Variants in RPS6KC1 observed in about 807,000 individuals in gnomAD.
RPS6KC1 encodes the protein inactive ribosomal protein S6 kinase delta-1.
In RPS6KC1, 54 loss-of-function variants were observed where a neutral mutation model predicts 103.8. The ratio of observed to expected loss-of-function variants is 0.52; its 90% confidence interval spans 0.42 to 0.65. The LOEUF is 0.65. RPS6KC1 is among the 30% of genes least tolerant of loss of function. RPS6KC1 has a pLI of 0.00. For missense variants in RPS6KC1, 1,151 were observed against 1,253.8 expected (o/e 0.92, Z 1.24); for synonymous variants, 439 against 438.7 (o/e 1.00, Z -0.01).
the RPS6KC1 span, among the ~76,000 whole-genome samples, chr1:213,528,235 TG>T: frequency 6.6e-6 from 1 of 152,114 alleles, no homozygotes; most frequent in Non-Finnish European, 1.5e-5. Flanking sequence ...TTTACAATCA[TG>T]GCAGAAAAAA....
At chr1:213,789,178 G>A in the RPS6KC1 span, among the ~76,000 whole-genome samples, 1 of 152,280 alleles carries the variant, frequency 6.6e-6, no homozygotes, top group South Asian at 2.1e-4. Flanking sequence ...AGTAGAGATT[G>A]TGTAGTTTTT....
At chr1:213,475,015 A>G in the RPS6KC1 span, among the ~76,000 whole-genome samples, 1 of 152,186 alleles carries the variant, frequency 6.6e-6, no homozygotes, top group Non-Finnish European at 1.5e-5. Flanking sequence ...GTCTTCCATA[A>G]GTGGGGCCTC....
At position 213,197,275 on chromosome 1, in the gene RPS6KC1, T is replaced by A. The variant is rs544515263; in HGVS notation, c.1044+20783T>A. ...TGTTTTGGCTATGTGAGCTCTTTTT[T>A]GGTTCCATATGAATTTTAGGACTCT... On this transcript the variant is annotated intron_variant, in intron 8 of 14. Coordinates refer to ENST00000366960, the MANE Select transcript of RPS6KC1 (RefSeq NM_012424.6). Among the ~76,000 whole-genome samples the A allele has an allele frequency of 8.5e-5, 13 of 152,224 alleles. 1 individual carries two copies. Among genetic ancestry groups the A allele is most frequent in the Non-Finnish European group, 1.5e-4 (10 of 68,042 alleles).
chr1:213,379,063 A>G, the RPS6KC1 span, among the ~76,000 whole-genome samples: 7 of 152,050 alleles, frequency 4.6e-5, no homozygotes, highest in Admixed American at 4.6e-4. Context: ...AGATGGTCCT[A>G]TTGTTGTCTA....
the RPS6KC1 span, among the ~76,000 whole-genome samples, chr1:213,779,753 T>C: frequency 6.6e-6 from 1 of 152,194 alleles, no homozygotes; most frequent in African/African-American, 2.4e-5. Flanking sequence ...CCAGAAAGTT[T>C]AGTCAAAAGG....
chr1:213,402,571 G>T, the RPS6KC1 span, among the ~76,000 whole-genome samples: 1 of 152,172 alleles, frequency 6.6e-6, no homozygotes, highest in South Asian at 2.1e-4. Context: ...GGAGGTTCCA[G>T]GTAGAACAGG....
intron 6 of RPS6KC1, among the ~76,000 whole-genome samples, chr1:213,162,965 A>T (rs1463609085): frequency 6.6e-6 from 1 of 152,250 alleles, no homozygotes; most frequent in Non-Finnish European, 1.5e-5. Context: ...TTATACATGG[A>T]AAGACTGATG....
intron 8 of RPS6KC1, among the ~76,000 whole-genome samples, chr1:213,178,015 C>T (rs1047322532): frequency 6.6e-6 from 1 of 150,574 alleles, no homozygotes; most frequent in African/African-American, 2.5e-5. Flanking sequence ...ACTATCTGGG[C>T]AACATGGTGA....
At chr1:213,218,187 A>G (rs1254706451) in intron 8 of RPS6KC1, among the ~76,000 whole-genome samples, 1 of 152,206 alleles carries the variant, frequency 6.6e-6, no homozygotes, top group African/African-American at 2.4e-5. Context: ...CTCAGGATAC[A>G]AAATCAATGT....
At chr1:213,685,705 A>G in the RPS6KC1 span, among the ~76,000 whole-genome samples, 1 of 152,170 alleles carries the variant, frequency 6.6e-6, no homozygotes, top group African/African-American at 2.4e-5. Flanking sequence ...CAAATAAGGT[A>G]GCATATATGA....
the RPS6KC1 span, among the ~76,000 whole-genome samples, chr1:213,437,003 C>T: frequency 1.4e-4 from 22 of 151,896 alleles, no homozygotes; most frequent in Non-Finnish European, 2.4e-4. Context: ...TTTTTATTGC[C>T]GTATTACATT....
the RPS6KC1 span, among the ~76,000 whole-genome samples, chr1:213,597,307 T>C: frequency 6.6e-6 from 1 of 152,150 alleles, no homozygotes; most frequent in Non-Finnish European, 1.5e-5. Context: ...TGCACAACCA[T>C]GGAGAAATGC....
intron 3 of RPS6KC1, among the ~76,000 whole-genome samples, chr1:213,084,046 C>T (rs1225030322): frequency 6.6e-6 from 1 of 152,058 alleles, no homozygotes; most frequent in Non-Finnish European, 1.5e-5. Flanking sequence ...AAGAACACCT[C>T]TATACTTTCC....
the RPS6KC1 span, among the ~76,000 whole-genome samples, chr1:213,811,025 C>G: frequency 6.6e-6 from 1 of 152,118 alleles, no homozygotes; most frequent in African/African-American, 2.4e-5. Context: ...AAACTTAAAA[C>G]AAAACAAAAT....
the RPS6KC1 span, among the ~76,000 whole-genome samples, chr1:213,457,381 C>A: frequency 6.6e-6 from 1 of 152,238 alleles, no homozygotes; most frequent in East Asian, 1.9e-4. Context: ...TGTTTGACTT[C>A]CAGGGAAGGC....
At chr1:213,151,994 A>C (rs1327792286) in intron 6 of RPS6KC1, among the ~76,000 whole-genome samples, 1 of 109,822 alleles carries the variant, frequency 9.1e-6, no homozygotes, top group African/African-American at 3.8e-5. Context: ...ACTTCCCAGT[A>C]GGGGTGGCCG....
the RPS6KC1 span, among the ~76,000 whole-genome samples, chr1:213,769,812 G>T: frequency 6.6e-6 from 1 of 152,160 alleles, no homozygotes; most frequent in Non-Finnish European, 1.5e-5. Flanking sequence ...AATATGCTTT[G>T]TTATATATTG....
the RPS6KC1 span, among the ~76,000 whole-genome samples, chr1:213,323,095 G>T: frequency 1.2e-3 from 182 of 151,870 alleles, no homozygotes; most frequent in African/African-American, 4.2e-3. Context: ...CAGCAGCATA[G>T]CATCTTCAAA....
the RPS6KC1 span, among the ~76,000 whole-genome samples, chr1:213,685,906 T>C: frequency 0.096 from 14,601 of 152,234 alleles, 789 homozygotes; most frequent in African/African-American, 0.12. Context: ...AGGTTGATGG[T>C]AAATTGGGAA....
Sources: gnomAD v4.1 joint callset for allele counts (sites outside exome capture counted in the v4.1 genomes callset) on GRCh38, gnomAD v4.1.1 for gene constraint, MANE v1.5 for transcripts, NCBI Gene and HGNC (gene_info 2026-07-23, HGNC 2026-07-21) for gene names.